The following ZNF532 variants were observed in gnomAD, a reference collection of about 807,000 sequenced individuals.
The protein encoded by ZNF532 is zinc finger protein 532.
Under a neutral mutation model 89.3 loss-of-function variants are expected in ZNF532, and 22 were observed. The observed-to-expected ratio is 0.25, with a 90% CI of 0.18 to 0.35. ZNF532 has a LOEUF of 0.35. ZNF532 is among the 10% of genes least tolerant of loss of function. The pLI, the probability that ZNF532 is intolerant of heterozygous loss-of-function variation, is 1.00. For synonymous variants in ZNF532, 606 were observed against 649.6 expected (o/e 0.93, Z 1.02); for missense variants, 1,132 against 1,643.4 (o/e 0.69, Z 5.38).
chr18:58,946,212 C>A (rs2063640923), intron 5 of ZNF532, among the ~76,000 whole-genome samples: 5 of 151,402 alleles, frequency 3.3e-5, no homozygotes, highest in Admixed American at 3.3e-4. Flanking sequence ...ATCTTGTTAT[C>A]TTCTGTTTTA....
At chr18:58,970,163 C>G (rs780476822) in intron 7 of ZNF532, among the ~76,000 whole-genome samples, 1 of 152,140 alleles carries the variant, frequency 6.6e-6, no homozygotes, top group Non-Finnish European at 1.5e-5. Flanking sequence ...GGATTACAGG[C>G]GTGAGCCGCT....
chr18:58,958,078 A>AAT (rs2064980126), intron 7 of ZNF532, among the ~76,000 whole-genome samples: 1 of 151,958 alleles, frequency 6.6e-6, no homozygotes, highest in East Asian at 1.9e-4. Context: ...AAAAAAAAAA[A>AAT]AAAAATACAA....
chr18:58,950,475 G>GT (rs143645443), intron 6 of ZNF532, among the ~76,000 whole-genome samples: 4,945 of 148,312 alleles, frequency 0.033, 98 homozygotes, highest in East Asian at 0.067. Context: ...GGGGCATACT[G>GT]TTTTTTTTTT....
chr18:58,918,209 G>A (rs558330166), intron 2 of ZNF532, 62 bp from the exon 3 acceptor site: 18 of 1,459,054 alleles, frequency 1.2e-5, no homozygotes, highest in African/African-American at 2.8e-5. Context: ...TTGTATAGGG[G>A]TTTTATCTCA....
intron 7 of ZNF532, among the ~76,000 whole-genome samples, chr18:58,976,929 A>C (rs2147592787): frequency 6.6e-6 from 1 of 152,380 alleles, no homozygotes; most frequent in South Asian, 2.1e-4. Context: ...AAATAAATAA[A>C]GGCTCGTTAC....
chr18:58,882,586 T>C (rs7227978), intron 2 of ZNF532, among the ~76,000 whole-genome samples: 64,662 of 151,994 alleles, frequency 0.43, 14,344 homozygotes, highest in East Asian at 0.63. Context: ...AGACTGCAGG[T>C]GTGCAACACC....
rs1467161073 is a variant in ZNF532 at position 58,906,944 on chromosome 18, T to C, written c.-17-11327T>C. 2.6e-5 allele frequency among the ~76,000 whole-genome samples: 4 copies of C among 152,208 alleles called. No homozygotes were observed. In the East Asian group the frequency reaches 7.7e-4, roughly 29 times the overall value. On this transcript the variant is annotated intron_variant, in intron 2 of 9. Coordinates refer to ENST00000591808, the MANE Select transcript of ZNF532 (RefSeq NM_001375912.1). ...CCATAGTGAAATAGTTAAAAACTTATTAATGTTAAATTTTAACAAAGACCC... is the reference window on the plus strand; with the variant it reads ...CCATAGTGAAATAGTTAAAAACTTACTAATGTTAAATTTTAACAAAGACCC...
chr18:58,948,881 C>T (rs1277816111), intron 6 of ZNF532, among the ~76,000 whole-genome samples: 4 of 152,136 alleles, frequency 2.6e-5, no homozygotes, highest in Admixed American at 6.6e-5. Flanking sequence ...CTTGAGAATT[C>T]TGTAAGACTT....
chr18:58,942,581 A>G (rs1485884466), intron 5 of ZNF532, among the ~76,000 whole-genome samples: 8 of 151,988 alleles, frequency 5.3e-5, no homozygotes, highest in South Asian at 4.2e-4. Flanking sequence ...GACTGTGGCA[A>G]TGACGGCTGC....
intron 2 of ZNF532, among the ~76,000 whole-genome samples, chr18:58,909,176 C>T (rs567186221): frequency 9.2e-5 from 14 of 152,174 alleles, no homozygotes; most frequent in Non-Finnish European, 1.6e-4. Flanking sequence ...TGGTCTCAAA[C>T]TCCCAACCTC....
chr18:58,868,625 G>C (rs1448297428), intron 2 of ZNF532, among the ~76,000 whole-genome samples: 2 of 152,192 alleles, frequency 1.3e-5, no homozygotes, highest in Non-Finnish European at 2.9e-5. Flanking sequence ...TTGGTTCTTT[G>C]TCATTGCTGA....
At chr18:58,952,663 C>A (rs1157493220) in intron 6 of ZNF532, among the ~76,000 whole-genome samples, 2 of 152,164 alleles carry the variant, frequency 1.3e-5, no homozygotes, top group Admixed American at 6.5e-5. Flanking sequence ...GCCTTGGCCT[C>A]CTGAAGTGTT....
intron 2 of ZNF532, among the ~76,000 whole-genome samples, chr18:58,880,771 C>CGTGTGTGTGTTTGTGT (rs1555704786): frequency 6.9e-5 from 10 of 145,258 alleles, no homozygotes; most frequent in African/African-American, 2.5e-5. Context: ...CACGCGCGCG[C>CGTGTGTGTGTTTGTGT]GTCTGTGTGT....
At chr18:58,884,305 T>C (rs1404537516) in intron 2 of ZNF532, among the ~76,000 whole-genome samples, 2 of 152,234 alleles carry the variant, frequency 1.3e-5, no homozygotes, top group Non-Finnish European at 2.9e-5. Flanking sequence ...CGCTTGAACC[T>C]GGAAGGTGGA....
chr18:58,954,411 C>A, intron 7 of ZNF532: 1 of 245,534 alleles, frequency 4.1e-6, no homozygotes, highest in Non-Finnish European at 6.5e-6. Flanking sequence ...AATTATTTTT[C>A]AGTATTATCT....
At chr18:58,975,263 C>G (rs964622077) in intron 7 of ZNF532, among the ~76,000 whole-genome samples, 17 of 152,176 alleles carry the variant, frequency 1.1e-4, no homozygotes, top group Admixed American at 9.8e-4. Flanking sequence ...GTGGGAGTTT[C>G]TGGCTGCATG....
chr18:58,957,823 G>A lies in ZNF532; in HGVS notation c.3150+4024G>A, dbSNP rs2147127145. On this transcript the variant is annotated intron_variant, in intron 7 of 9. Coordinates refer to ENST00000591808, the MANE Select transcript of ZNF532 (RefSeq NM_001375912.1). Reference sequence around the variant, plus strand: ...TCATGCCTGTAATCCCAGCACTTTGGGAGGCCAATGCAGGTGGATCACTTG... The same window carrying A: ...TCATGCCTGTAATCCCAGCACTTTGAGAGGCCAATGCAGGTGGATCACTTG... Among the ~76,000 whole-genome samples the A allele has an allele frequency of 1.3e-5, 2 of 152,178 alleles. 1 individual carries two copies. The highest frequency in any genetic ancestry group is 4.1e-4 in the South Asian group (2 of 4,820).
In ZNF532 at chr18:58,869,836, G is replaced by T. The variant is rs1231091396; in HGVS notation, c.-18+4257G>T. ...GGCTGGAGTTCAGTGGCGTGATCTC[G>T]GCTCACTGCAACCTCTGTCTCCCAG... On this transcript the variant is annotated intron_variant, in intron 2 of 9. Coordinates refer to ENST00000591808, the MANE Select transcript of ZNF532 (RefSeq NM_001375912.1). Among the ~76,000 whole-genome samples the T allele has an allele frequency of 2.1e-4, 31 of 144,280 alleles. No homozygotes were observed. The Admixed American group carries it at 2.3e-3, about 11-fold the overall frequency. The allele number at this position is 144,280 out of a possible 152,430, so 94.7% of individuals were successfully genotyped here.
intron 4 of ZNF532, among the ~76,000 whole-genome samples, chr18:58,937,762 C>G (rs888284390): frequency 2.0e-5 from 3 of 152,168 alleles, no homozygotes; most frequent in African/African-American, 7.2e-5. Flanking sequence ...TAAAAATGAT[C>G]TATTTTAATT....
Sources: gnomAD v4.1 joint callset for allele counts (sites outside exome capture counted in the v4.1 genomes callset) on GRCh38, gnomAD v4.1.1 for gene constraint, MANE v1.5 for transcripts, NCBI Gene and HGNC (gene_info 2026-07-23, HGNC 2026-07-21) for gene names.